The following CCDC7 variants were observed in gnomAD, a reference collection of about 807,000 sequenced individuals.
The protein encoded by CCDC7 is coiled-coil domain-containing protein 7.
CCDC7 carries 183 observed loss-of-function variants against 196.9 expected under a neutral mutation model. The observed-to-expected ratio is 0.93, with a 90% CI of 0.82 to 1.05. The LOEUF (loss-of-function observed/expected upper bound fraction) is 1.05. Ranked by LOEUF, CCDC7 falls within the 50% of genes least tolerant of loss-of-function variation. The pLI is 0.00. For missense variants in CCDC7, 1,540 were observed against 1,482.2 expected, an observed-to-expected ratio of 1.04 and a Z score of -0.64; for synonymous variants, 525 against 484.6, an observed-to-expected ratio of 1.08 and a Z score of -1.10.
intron 11 of CCDC7, among the ~76,000 whole-genome samples, chr10:32,528,332 T>G (rs1470147065): frequency 6.6e-6 from 1 of 152,010 alleles, no homozygotes; most frequent in African/African-American, 2.4e-5. Flanking sequence ...TAGTGGTGAT[T>G]TCTGAGATTT....
intron 8 of CCDC7, among the ~76,000 whole-genome samples, chr10:32,488,722 T>A (rs2041672657): frequency 6.6e-6 from 1 of 152,244 alleles, no homozygotes; most frequent in African/African-American, 2.4e-5. Flanking sequence ...TTTTTCTGAT[T>A]TTTGTTAAGT....
intron 20 of CCDC7, among the ~76,000 whole-genome samples, chr10:32,648,878 T>G (rs2068223070): frequency 6.6e-6 from 1 of 152,188 alleles, no homozygotes; most frequent in African/African-American, 2.4e-5. Flanking sequence ...TACAGCACTA[T>G]TTACAATAGG....
chr10:32,776,282 A>T lies in CCDC7; in HGVS notation c.2906-2695A>T, dbSNP rs532273053. 1.8e-3 allele frequency among the ~76,000 whole-genome samples: 230 copies of T among 124,464 alleles called. 1 individual carries two copies. Among genetic ancestry groups the T allele is most frequent in the East Asian group, 5.6e-4 (2 of 3,560 alleles). 81.7% of individuals were successfully genotyped at this position (124,464 alleles called of 152,430 possible). A position where few individuals can be genotyped will look rare whatever the true frequency, so the allele number is the denominator to read the frequency against. On this transcript the variant is annotated intron_variant, in intron 28 of 41. Coordinates refer to ENST00000639629, the Ensembl canonical transcript of CCDC7. ...TGTACCCTAAAACTTGAAGTATAATAAAAAAAAAATCTAGATTTCTAGCTT... is the reference window on the plus strand; with the variant it reads ...TGTACCCTAAAACTTGAAGTATAATTAAAAAAAAATCTAGATTTCTAGCTT...
intron 16 of CCDC7, among the ~76,000 whole-genome samples, chr10:32,575,894 G>T (rs1474806425): frequency 6.6e-6 from 1 of 152,148 alleles, no homozygotes; most frequent in African/African-American, 2.4e-5. Context: ...AAGAATATTA[G>T]TAAGGTCACC....
intron 23 of CCDC7, among the ~76,000 whole-genome samples, chr10:32,691,536 AAATT>A (rs932431845): frequency 6.6e-6 from 1 of 152,222 alleles, no homozygotes; most frequent in African/African-American, 2.4e-5. Context: ...ATTGTGCCAC[AAATT>A]AATTGACATT....
chr10:32,631,068 C>G (rs1185791279), intron 18 of CCDC7, among the ~76,000 whole-genome samples: 1 of 152,174 alleles, frequency 6.6e-6, no homozygotes, highest in Non-Finnish European at 1.5e-5. Flanking sequence ...TGTAGGTTCT[C>G]TGGTTAACAG....
intron 24 of CCDC7, among the ~76,000 whole-genome samples, chr10:32,706,887 A>C (rs1312697698): frequency 1.3e-5 from 2 of 152,238 alleles, no homozygotes; most frequent in East Asian, 3.8e-4. Context: ...ATTCTACCAG[A>C]GGTACAAAGA....
At chr10:32,455,197 G>A (rs1261468245) in intron 2 of CCDC7, among the ~76,000 whole-genome samples, 1 of 151,158 alleles carries the variant, frequency 6.6e-6, no homozygotes, top group Non-Finnish European at 1.5e-5. Context: ...TTTCCTCTCT[G>A]CTGGATGATT....
chr10:32,820,150 C>T (rs552153480), intron 31 of CCDC7, among the ~76,000 whole-genome samples: 142 of 152,272 alleles, frequency 9.3e-4, no homozygotes, highest in African/African-American at 3.2e-3. Context: ...GCAAAAATCA[C>T]AAGCATTCTT....
intron 31 of CCDC7, among the ~76,000 whole-genome samples, chr10:32,822,036 T>C (rs2135625433): frequency 6.6e-6 from 1 of 152,168 alleles, no homozygotes; most frequent in South Asian, 2.1e-4. Context: ...ATTTTATTGC[T>C]AGCAAAACTG....
chr10:32,553,440 G>T (rs1364878776), intron 13 of CCDC7, among the ~76,000 whole-genome samples: 1 of 152,020 alleles, frequency 6.6e-6, no homozygotes, highest in Non-Finnish European at 1.5e-5. Context: ...TCTTGGTTTG[G>T]GTCCATTGCT....
intron 41 of CCDC7, among the ~76,000 whole-genome samples, chr10:32,855,528 C>A (rs911717632): frequency 2.0e-5 from 3 of 152,198 alleles, no homozygotes; most frequent in Non-Finnish European, 2.9e-5. Flanking sequence ...ATAAGGAGCA[C>A]ACAACCTAGA....
intron 16 of CCDC7, chr10:32,574,333 C>T (rs1370263573): frequency 8.7e-6 from 5 of 574,814 alleles, no homozygotes; most frequent in Non-Finnish European, 1.2e-5. Context: ...TAATATATTA[C>T]ATATTATATT....
At chr10:32,659,921 C>T (rs1308000726) in intron 20 of CCDC7, among the ~76,000 whole-genome samples, 1 of 152,118 alleles carries the variant, frequency 6.6e-6, no homozygotes, top group African/African-American at 2.4e-5. Flanking sequence ...TATGGTGATT[C>T]ATCAAAGACC....
intron 16 of CCDC7, chr10:32,574,639 T>A: frequency 2.1e-6 from 1 of 476,512 alleles, no homozygotes; most frequent in Non-Finnish European, 3.2e-6. Context: ...TTTAATAATT[T>A]ATTGTTTCAC....
chr10:32,694,555 A>G (rs1002777147), intron 23 of CCDC7, among the ~76,000 whole-genome samples: 18 of 152,210 alleles, frequency 1.2e-4, no homozygotes, highest in Non-Finnish European at 2.1e-4. Flanking sequence ...TTGCAATTAC[A>G]TATATGCTAT....
intron 18 of CCDC7, among the ~76,000 whole-genome samples, chr10:32,584,606 A>G (rs992201819): frequency 4.6e-5 from 7 of 151,838 alleles, no homozygotes; most frequent in African/African-American, 1.7e-4. Context: ...AAATACAAAA[A>G]TTAGCTGGGT....
At chr10:32,559,424 C>A (rs1301913394) in intron 13 of CCDC7, among the ~76,000 whole-genome samples, 1 of 152,224 alleles carries the variant, frequency 6.6e-6, no homozygotes, top group African/African-American at 2.4e-5. Flanking sequence ...AGGCACCCCC[C>A]AGTAGGGGCA....
At chr10:32,677,824 G>C (rs927523368) in intron 21 of CCDC7, among the ~76,000 whole-genome samples, 2 of 151,538 alleles carry the variant, frequency 1.3e-5, no homozygotes, top group Non-Finnish European at 2.9e-5. Flanking sequence ...TTTCTTCTTG[G>C]ACTTCCATAT....
Sources: allele counts gnomAD v4.1 joint callset (sites outside exome capture counted in the v4.1 genomes callset), GRCh38; gene constraint gnomAD v4.1.1; transcripts MANE v1.5; gene names NCBI Gene and HGNC (gene_info 2026-07-23, HGNC 2026-07-21).